PLEKHS1: variants seen among roughly 807,000 people sequenced by gnomAD.
PLEKHS1 encodes pleckstrin homology domain-containing family S member 1.
A neutral mutation model predicts 51.0 loss-of-function variants in PLEKHS1; 55 were observed. The observed-to-expected ratio is 1.08, with a 90% CI of 0.87 to 1.35. The LOEUF (loss-of-function observed/expected upper bound fraction) is 1.35. Among genes scored for constraint, PLEKHS1 ranks in the 40% most tolerant of loss-of-function variants. The probability of loss-of-function intolerance (pLI) is 0.00; values close to 1 mark genes in which losing one functional copy is unlikely to be tolerated. For missense variants in PLEKHS1, 398 were observed against 423.0 expected (o/e 0.94, Z 0.52); for synonymous variants, 153 against 144.8 (o/e 1.06, Z -0.41).
rs1844324925 is a variant in PLEKHS1 at position 113,769,849 on chromosome 10, C to A, written c.501C>A (p.Ser167Arg). 1.2e-6 allele frequency: 2 copies of A among 1,614,086 alleles called. No individual in the cohort carries two copies. The highest frequency in any genetic ancestry group is 1.7e-6 in the Non-Finnish European group (2 of 1,179,968). ...CCAGCCCTCTCCTTGGCCCTTCCAG[C>A]ACATCAGAGGCTGTTGGCTCCAGCT... Residue 167 changes from serine to arginine, a missense_variant, in exon 7 of 12, where the codon AGC becomes AGA. Coordinates refer to ENST00000361048, the Ensembl canonical transcript of PLEKHS1.
intron 7 of PLEKHS1, chr10:113,771,370 T>C (rs1844396519): frequency 6.6e-6 from 1 of 152,076 alleles, no homozygotes; most frequent in Admixed American, 6.5e-5. Flanking sequence ...CAGAGCTTAG[T>C]GACTTAGAAT....
intron 2 of PLEKHS1, among the ~76,000 whole-genome samples, chr10:113,760,276 G>C (rs1277620154): frequency 6.6e-6 from 1 of 152,128 alleles, no homozygotes; most frequent in Admixed American, 6.5e-5. Flanking sequence ...TGAACATCAG[G>C]GTTGCTTCCA....
intron 6 of PLEKHS1, 98 bp from the exon 7 acceptor site, chr10:113,769,686 G>A: frequency 1.3e-6 from 1 of 764,914 alleles, no homozygotes; most frequent in Admixed American, 1.9e-5. Context: ...AGATTGCTAT[G>A]GGAAAAGACA....
At chr10:113,754,647 G>A (rs1268224928) in intron 1 of PLEKHS1, among the ~76,000 whole-genome samples, 2 of 151,980 alleles carry the variant, frequency 1.3e-5, no homozygotes, top group East Asian at 1.9e-4. Flanking sequence ...CACCACACCC[G>A]GCTAATTTTT....
intron 7 of PLEKHS1, chr10:113,771,160 A>G (rs569588601): frequency 2.6e-4 from 39 of 152,340 alleles, no homozygotes; most frequent in African/African-American, 8.4e-4. Context: ...AATCTAGATC[A>G]CCTGGAAACC....
At chr10:113,778,214 T>C (rs1844756254) in intron 11 of PLEKHS1, among the ~76,000 whole-genome samples, 1 of 152,204 alleles carries the variant, frequency 6.6e-6, no homozygotes, top group South Asian at 2.1e-4. Flanking sequence ...GTTTTCAAAC[T>C]GTGCTTCTTG....
intron 11 of PLEKHS1, among the ~76,000 whole-genome samples, chr10:113,779,699 G>T (rs893964503): frequency 1.3e-5 from 2 of 152,130 alleles, no homozygotes; most frequent in African/African-American, 2.4e-5. Flanking sequence ...CCAAGAAAAG[G>T]GTTTTTGCCT....
At chr10:113,777,606 CT>C in intron 11 of PLEKHS1, 2 of 1,545,878 alleles carry the variant, frequency 1.3e-6, no homozygotes, top group African/African-American at 1.4e-5. Flanking sequence ...AAAATTATGA[CT>C]AATGATGGTG....
intron 11 of PLEKHS1, among the ~76,000 whole-genome samples, chr10:113,778,990 C>T (rs1844787621): frequency 6.6e-6 from 1 of 152,128 alleles, no homozygotes; most frequent in Non-Finnish European, 1.5e-5. Context: ...TCAAGAGCTA[C>T]AAAAATGGCC....
intron 7 of PLEKHS1, among the ~76,000 whole-genome samples, chr10:113,770,820 CT>C (rs1259460377): frequency 6.6e-6 from 1 of 152,124 alleles, no homozygotes; most frequent in East Asian, 1.9e-4. Flanking sequence ...GTCACTTTGC[CT>C]TTTCACACTA....
At chr10:113,767,741 C>T (rs866006002) in intron 5 of PLEKHS1, among the ~76,000 whole-genome samples, 13 of 151,928 alleles carry the variant, frequency 8.6e-5, no homozygotes, top group East Asian at 3.8e-4. Context: ...GCTAGGAGTC[C>T]GAAATTAAGG....
At chr10:113,773,223 G>A (rs995836860) in intron 8 of PLEKHS1, among the ~76,000 whole-genome samples, 2 of 152,116 alleles carry the variant, frequency 1.3e-5, no homozygotes, top group African/African-American at 2.4e-5. Flanking sequence ...TACAACACAT[G>A]GCATTTCCCA....
At chr10:113,767,529 C>A (rs1239528363) in intron 5 of PLEKHS1, 50 bp downstream of exon 5, 3 of 1,545,926 alleles carry the variant, frequency 1.9e-6, no homozygotes, top group Admixed American at 4.1e-5. Flanking sequence ...AAAACAAAAA[C>A]AAACCAAAAA....
intron 11 of PLEKHS1, 22 bp from the exon 13 acceptor site, chr10:113,780,580 T>G: frequency 6.2e-7 from 1 of 1,603,744 alleles, no homozygotes; most frequent in African/African-American, 1.3e-5. Flanking sequence ...GCCATTTAAC[T>G]TTCTTCTTTC....
At chr10:113,779,414 CAAA>C (rs1564830223) in intron 11 of PLEKHS1, among the ~76,000 whole-genome samples, 1 of 151,940 alleles carries the variant, frequency 6.6e-6, no homozygotes, top group Admixed American at 6.6e-5. Flanking sequence ...ATGAAAAATA[CAAA>C]AAATTAGCTG....
intron 5 of PLEKHS1, among the ~76,000 whole-genome samples, chr10:113,768,605 T>C (rs1284311395): frequency 6.6e-6 from 1 of 152,244 alleles, no homozygotes; most frequent in Non-Finnish European, 1.5e-5. Flanking sequence ...TTTCTTCCCT[T>C]TCTCTGAGCT....
chr10:113,768,468 A>T (rs1397018116), intron 5 of PLEKHS1, among the ~76,000 whole-genome samples: 1 of 152,252 alleles, frequency 6.6e-6, no homozygotes, highest in South Asian at 2.1e-4. Flanking sequence ...TCCCTAAGGG[A>T]AGGCCCACCT....
intron 7 of PLEKHS1, among the ~76,000 whole-genome samples, chr10:113,771,501 A>C (rs1021201839): frequency 6.6e-6 from 1 of 151,744 alleles, no homozygotes; most frequent in Non-Finnish European, 1.5e-5. Context: ...GTGAAACCCC[A>C]TCTCTACTAA....
chr10:113,753,660 A>G (rs1170306868), intron 1 of PLEKHS1, among the ~76,000 whole-genome samples: 3 of 152,158 alleles, frequency 2.0e-5, no homozygotes, highest in African/African-American at 7.2e-5. Flanking sequence ...CCCTAGGGGC[A>G]GGGTAGGTAT....
Sources: gnomAD v4.1 joint callset for allele counts (sites outside exome capture counted in the v4.1 genomes callset) on GRCh38, gnomAD v4.1.1 for gene constraint, MANE v1.5 for transcripts, NCBI Gene and HGNC (gene_info 2026-07-23, HGNC 2026-07-21) for gene names.